Variants in GALNT17 observed in about 807,000 individuals in gnomAD.
GALNT17 encodes polypeptide N-acetylgalactosaminyltransferase 17.
A neutral mutation model predicts 63.7 loss-of-function variants in GALNT17; 29 were observed. The ratio of observed to expected loss-of-function variants is 0.46; its 90% CI spans 0.34 to 0.62. GALNT17 has a LOEUF of 0.62. GALNT17 is among the 20% of genes least tolerant of loss of function. The pLI is 0.01. For missense variants in GALNT17, 603 were observed against 799.6 expected, an observed-to-expected ratio of 0.75 and a Z score of 2.97; for synonymous variants, 305 against 318.3, an observed-to-expected ratio of 0.96 and a Z score of 0.45.
rs563903568 is a variant in GALNT17, at chr7:71,573,119, C to T, written c.1080+1717C>T. Among the ~76,000 whole-genome samples, 580 of 151,818 alleles carry T rather than the reference C, an allele frequency of 3.8e-3. 2 individuals carry two copies. Among genetic ancestry groups the T allele is most frequent in the African/African-American group, 0.013 (532 of 41,406 alleles). ...CATCTCCCAGGTTCAAACGATTCTC[C>T]GGCCTCAGCTTCTCAAGTAGCTGGG... is the stretch of plus-strand genomic sequence containing the variant. On this transcript the variant is annotated intron_variant, in intron 6 of 10. Coordinates refer to ENST00000333538, the MANE Select transcript of GALNT17 (RefSeq NM_022479.3).
At chr7:71,412,309 G>T (rs1238227422) in intron 3 of GALNT17, among the ~76,000 whole-genome samples, 1 of 152,032 alleles carries the variant, frequency 6.6e-6, no homozygotes, top group East Asian at 1.9e-4. Flanking sequence ...TCCACAACGT[G>T]TGGTTCTAAG....
intron 6 of GALNT17, among the ~76,000 whole-genome samples, chr7:71,612,184 A>T (rs1249278200): frequency 6.6e-6 from 1 of 152,200 alleles, no homozygotes; most frequent in African/African-American, 2.4e-5. Context: ...TTGAGGTCAC[A>T]CTTGAGTTAG....
chr7:71,670,567 G>T (rs1025048683), intron 8 of GALNT17, among the ~76,000 whole-genome samples: 1 of 152,158 alleles, frequency 6.6e-6, no homozygotes, highest in African/African-American at 2.4e-5. Context: ...AAAGCAAAGC[G>T]ATTTTTCTCT....
intron 1 of GALNT17, among the ~76,000 whole-genome samples, chr7:71,252,522 C>T (rs1790218004): frequency 6.6e-6 from 1 of 151,830 alleles, no homozygotes; most frequent in Non-Finnish European, 1.5e-5. Flanking sequence ...GAGTCTGTGT[C>T]AAAAAAAGGT....
intron 1 of GALNT17, among the ~76,000 whole-genome samples, chr7:71,210,277 T>A (rs1181547942): frequency 6.6e-6 from 1 of 152,068 alleles, no homozygotes; most frequent in African/African-American, 2.4e-5. Flanking sequence ...TCACAACACG[T>A]GGGAATTCTG....
chr7:71,134,835 GTTTTTTTTTTTTTTTTTTT>G (rs561383417), intron 1 of GALNT17, among the ~76,000 whole-genome samples: 1 of 57,888 alleles, frequency 1.7e-5, no homozygotes, highest in Non-Finnish European at 2.9e-5. Context: ...TTGTTTTATG[GTTTTTTTTTTTTTTTTTTT>G]TTTTTTTTTT....
At position 71,710,922 on chromosome 7, in the gene GALNT17, C is replaced by T. The variant is rs373771084; in HGVS notation, c.1662C>T (p.Phe554=). Residue 554 remains phenylalanine, a synonymous_variant, in exon 10 of 11, where the codon TTC becomes TTT. Coordinates refer to ENST00000333538, the MANE Select transcript of GALNT17 (RefSeq NM_022479.3). ...GCAGCCTGTACAAGCGCTGGAACTT[C>T]ATCCAGGTGAGTGCTGTATGGACAG... ...VKSSLYKRWN[F]IQNGAIMNKG... is the part of the protein sequence containing the mutation. The T allele has an allele frequency of 1.1e-5, 17 of 1,613,666 alleles. No individual in the cohort carries two copies. The highest frequency in any genetic ancestry group is 1.7e-5 in the Admixed American group (1 of 60,012).
chr7:71,614,703 AAG>A (rs1236667863), intron 6 of GALNT17, among the ~76,000 whole-genome samples: 7 of 151,874 alleles, frequency 4.6e-5, no homozygotes, highest in Admixed American at 4.6e-4. Context: ...GGAGGGAAGA[AAG>A]AGAAAGGAAA....
chr7:71,222,222 C>T (rs1789599481), intron 1 of GALNT17, among the ~76,000 whole-genome samples: 1 of 151,870 alleles, frequency 6.6e-6, no homozygotes, highest in Non-Finnish European at 1.5e-5. Context: ...TTAGATTTTA[C>T]CAGATTTCCC....
intron 5 of GALNT17, among the ~76,000 whole-genome samples, chr7:71,504,575 T>G (rs1788235134): frequency 6.6e-6 from 1 of 150,572 alleles, no homozygotes; most frequent in African/African-American, 2.4e-5. Flanking sequence ...TATTTACATA[T>G]TTTGCAGTTT....
At chr7:71,434,986 T>C (rs1412742399) in intron 5 of GALNT17, among the ~76,000 whole-genome samples, 2 of 152,070 alleles carry the variant, frequency 1.3e-5, no homozygotes, top group African/African-American at 2.4e-5. Flanking sequence ...GTTGCTTCCA[T>C]TGAGGGAATT....
intron 1 of GALNT17, among the ~76,000 whole-genome samples, chr7:71,211,235 G>A (rs1789371599): frequency 6.6e-6 from 1 of 152,122 alleles, no homozygotes; most frequent in Non-Finnish European, 1.5e-5. Context: ...AATCATGGGG[G>A]CTGGTTTTTC....
chr7:71,449,208 G>C (rs1362693844), intron 5 of GALNT17, among the ~76,000 whole-genome samples: 3 of 126,082 alleles, frequency 2.4e-5, no homozygotes, highest in Non-Finnish European at 4.7e-5. Flanking sequence ...CACCTACCGG[G>C]TTCAAGCAAT....
intron 1 of GALNT17, among the ~76,000 whole-genome samples, chr7:71,270,245 C>T (rs917077543): frequency 6.6e-6 from 1 of 152,086 alleles, no homozygotes; most frequent in African/African-American, 2.4e-5. Context: ...CCTGGGGTAT[C>T]TCACTCTCCC....
At chr7:71,148,827 G>A (rs1422264375) in intron 1 of GALNT17, among the ~76,000 whole-genome samples, 2 of 138,700 alleles carry the variant, frequency 1.4e-5, no homozygotes, top group Non-Finnish European at 3.0e-5. Context: ...AGGCATCTTA[G>A]ATTTGATGAA....
intron 6 of GALNT17, among the ~76,000 whole-genome samples, chr7:71,578,847 C>T (rs1789581438): frequency 6.6e-6 from 1 of 152,130 alleles, no homozygotes; most frequent in African/African-American, 2.4e-5. Context: ...AGGGACCCAT[C>T]CATCCATGTT....
At chr7:71,299,286 G>T (rs1791147136) in intron 1 of GALNT17, among the ~76,000 whole-genome samples, 1 of 152,098 alleles carries the variant, frequency 6.6e-6, no homozygotes, top group South Asian at 2.1e-4. Flanking sequence ...TAATCCGCTG[G>T]GACTAAATGA....
chr7:71,620,340 T>C (rs751701329), intron 6 of GALNT17, among the ~76,000 whole-genome samples: 1 of 152,174 alleles, frequency 6.6e-6, no homozygotes, highest in Admixed American at 6.5e-5. Context: ...CCTTGATTTT[T>C]TGGAATAGTT....
At chr7:71,166,563 T>C (rs1271733582) in intron 1 of GALNT17, among the ~76,000 whole-genome samples, 1 of 152,234 alleles carries the variant, frequency 6.6e-6, no homozygotes, top group Non-Finnish European at 1.5e-5. Context: ...CCTCTACAGA[T>C]AAGTTTGCCT....
Sources: gnomAD v4.1 joint callset for allele counts (sites outside exome capture counted in the v4.1 genomes callset) on GRCh38, gnomAD v4.1.1 for gene constraint, MANE v1.5 for transcripts, NCBI Gene and HGNC (gene_info 2026-07-23, HGNC 2026-07-21) for gene names.